ZNF716: variants seen among roughly 807,000 people sequenced by gnomAD.
The protein encoded by ZNF716 is zinc finger protein 716.
ZNF716 carries 9 observed loss-of-function variants against 13.4 expected under a neutral mutation model. The observed-to-expected ratio is 0.67, with a 90% CI of 0.41 to 1.18. The LOEUF (loss-of-function observed/expected upper bound fraction) is 1.18, where lower values mean the gene tolerates loss of function less well. Among genes scored for constraint, ZNF716 ranks in the 50% most tolerant of loss-of-function variants. ZNF716 has a pLI of 0.01. For synonymous variants in ZNF716, 186 were observed against 195.2 expected (o/e 0.95, Z 0.39); for missense variants, 581 against 576.6 (o/e 1.01, Z -0.08).
At chr7:57,460,207 C>T (rs782318127) in intron 1 of ZNF716, among the ~76,000 whole-genome samples, 1 of 151,740 alleles carries the variant, frequency 6.6e-6, no homozygotes, top group Non-Finnish European at 1.5e-5. Context: ...CCAGCCTGAC[C>T]AACATGGTGA....
At position 57,470,090 on chromosome 7, in the gene ZNF716, A is replaced by C; in HGVS notation, c.*141A>C. The C allele has an allele frequency of 1.2e-6, 1 of 805,298 alleles. No individual in the cohort carries two copies. 49.9% of individuals were successfully genotyped at this position (805,298 alleles called of 1,614,324 possible). A position where few individuals can be genotyped will look rare whatever the true frequency, so the allele number is the denominator to read the frequency against. On this transcript the variant is annotated 3_prime_UTR_variant, in exon 4 of 4. Coordinates refer to ENST00000420713, the MANE Select transcript of ZNF716 (RefSeq NM_001159279.1). The stretch of plus-strand genomic sequence containing the variant: ...TCCATAAGATAATTCATATTGGACA[A>C]AAGTCTTATAAATGTAAAAAAAAAA...
chr7:57,457,523 T>C (rs1480457391), intron 1 of ZNF716, among the ~76,000 whole-genome samples: 8 of 152,144 alleles, frequency 5.3e-5, no homozygotes, highest in Non-Finnish European at 1.0e-4. Flanking sequence ...TTTTGTATTT[T>C]TAATAGAGAC....
At position 57,470,346 on chromosome 7, in the gene ZNF716, T is replaced by A. The variant is rs1789907871; in HGVS notation, c.*397T>A. 1 of 163,162 alleles carries A rather than the reference T, an allele frequency of 6.1e-6. No homozygotes were observed. The highest frequency in any genetic ancestry group is 2.4e-5 in the African/African-American group (1 of 41,470). 10.1% of individuals were successfully genotyped at this position (163,162 alleles called of 1,614,324 possible). The stretch of plus-strand genomic sequence containing the variant: ...CACTGGCTGAGTTTTGTATTTTTAG[T>A]AGAGATGGGGTTTCACCATTTTGAC... On this transcript the variant is annotated 3_prime_UTR_variant, in exon 4 of 4. Transcript: ENST00000420713.
intron 3 of ZNF716, among the ~76,000 whole-genome samples, chr7:57,465,717 C>T (rs1789795618): frequency 6.6e-6 from 1 of 152,230 alleles, no homozygotes; most frequent in African/African-American, 2.4e-5. Context: ...AAGAATATTG[C>T]ATGTCCACAT....
Position 57,450,223 on chromosome 7 carries a change from T to C in ZNF716, c.-66T>C. On this transcript the variant is annotated 5_prime_UTR_variant, in exon 1 of 4. Coordinates refer to ENST00000420713, the MANE Select transcript of ZNF716 (RefSeq NM_001159279.1). ...GAGCTCCAGTCCTTCTCTTCACTGC[T>C]CTGCGTCCTCTGCTCCTGGAGGCCA... 1.2e-6 allele frequency: 2 copies of C among 1,609,978 alleles called. No homozygotes were observed. The highest frequency in any genetic ancestry group is 2.2e-5 in the South Asian group (2 of 90,804).
In ZNF716 at chr7:57,463,120, A is replaced by T. The variant is rs782142718; in HGVS notation, c.214A>T (p.Lys72Ter). ...CTTGATCACCTGTCTGGAGCAAAAT[A>T]AAGAGCCCCAGAATATAAAGAGAAA... ...PDLITCLEQN[K>*]EPQNIKRNEM... is the part of the protein sequence containing the mutation. Residue 72 changes from lysine to a stop codon, truncating the protein, a stop_gained, in exon 3 of 4, where the codon AAA (lysine) becomes TAA (stop). Transcript: ENST00000420713. LOFTEE classifies it low-confidence loss of function (END_TRUNC). 3 of 1,610,348 alleles carry T rather than the reference A, an allele frequency of 1.9e-6. No individual in the cohort carries two copies. In the East Asian group the frequency reaches 6.7e-5, roughly 36 times the overall value.
At chr7:57,460,991 C>A (rs1554322985) in intron 1 of ZNF716, among the ~76,000 whole-genome samples, 2 of 151,608 alleles carry the variant, frequency 1.3e-5, no homozygotes. Flanking sequence ...AAATTTAGGC[C>A]AGGTGCAGTG....
chr7:57,462,925 A>G (rs1554323390), intron 2 of ZNF716, 148 bp from the exon 3 acceptor site: 2 of 1,230,282 alleles, frequency 1.6e-6, no homozygotes, highest in East Asian at 2.6e-5. Flanking sequence ...AATTTAAAGT[A>G]TTTTCTAAAT....
At chr7:57,451,180 C>T (rs782025885) in intron 1 of ZNF716, among the ~76,000 whole-genome samples, 5 of 151,892 alleles carry the variant, frequency 3.3e-5, no homozygotes, top group Non-Finnish European at 5.9e-5. Flanking sequence ...CCACCACGCC[C>T]GGCTTTTGTT....
chr7:57,466,343 C>G (rs1416005797), intron 3 of ZNF716, among the ~76,000 whole-genome samples: 3 of 150,426 alleles, frequency 2.0e-5, no homozygotes, highest in African/African-American at 7.4e-5. Context: ...ATGGTTGTTC[C>G]CTCCAAATCT....
chr7:57,468,871 T>C lies in ZNF716; in HGVS notation c.410T>C (p.Val137Ala). The stretch of plus-strand genomic sequence containing the variant: ...TGTAAAAGTGTAGGTGAGTGTGAGG[T>C]GCACAAAGGAGGTTATAATTATGTT... ...KCCKSVGECE[V>A]HKGGYNYVNQ... is the part of the protein sequence containing the mutation. The change falls in exon 4 of 4, where the codon GTG becomes GCG. Residue 137 changes from valine (V) to alanine (A), a missense_variant. Val to Ala is a moderately conservative substitution (Grantham distance 64). Coordinates refer to ENST00000420713, the MANE Select transcript of ZNF716 (RefSeq NM_001159279.1). 1 of 1,613,514 alleles carries C rather than the reference T, an allele frequency of 6.2e-7. No individual in the cohort carries two copies. Among genetic ancestry groups the C allele is most frequent in the Non-Finnish European group, 8.5e-7 (1 of 1,179,758 alleles).
At chr7:57,466,466 G>A (rs1406111748) in intron 3 of ZNF716, among the ~76,000 whole-genome samples, 1 of 148,424 alleles carries the variant, frequency 6.7e-6, no homozygotes, top group Non-Finnish European at 1.5e-5. Context: ...TAATCATAGA[G>A]TTCTCACTCT....
At position 57,473,538 on chromosome 7, in the gene ZNF716, A is replaced by C. The variant is rs1175204028; in HGVS notation, c.*3589A>C. The C allele has an allele frequency of 3.3e-5, 5 of 152,020 alleles. No individual in the cohort carries two copies. Among genetic ancestry groups the C allele is most frequent in the Non-Finnish European group, 5.9e-5 (4 of 68,010 alleles). 9.4% of individuals were successfully genotyped at this position (152,020 alleles called of 1,614,324 possible). ...CCATCTCAAAAAAAAAAATAAATAA[A>C]TAAAAGATATACCTTAAGCATAAGA... On this transcript the variant is annotated 3_prime_UTR_variant, in exon 4 of 4. Coordinates refer to ENST00000420713, the MANE Select transcript of ZNF716 (RefSeq NM_001159279.1).
chr7:57,464,286 T>C (rs1789765531), intron 3 of ZNF716, among the ~76,000 whole-genome samples: 1 of 151,974 alleles, frequency 6.6e-6, no homozygotes, highest in African/African-American at 2.4e-5. Context: ...CATGTGCAGC[T>C]AATTTTGTAT....
intron 1 of ZNF716, among the ~76,000 whole-genome samples, chr7:57,452,430 T>A (rs1464316776): frequency 1.3e-5 from 2 of 150,922 alleles, no homozygotes; most frequent in African/African-American, 4.9e-5. Flanking sequence ...AGGTCAGGAG[T>A]TGGAAACCAA....
chr7:57,460,965 A>ATT (rs36078415), intron 1 of ZNF716, among the ~76,000 whole-genome samples: 52,239 of 150,934 alleles, frequency 0.35, 9,371 homozygotes, highest in Admixed American at 0.41. Flanking sequence ...CAGAAAACTG[A>ATT]TTTTTTTTTA....
rs2116431120 is a variant in ZNF716, at chr7:57,472,116, T to A, written c.*2167T>A. 6.6e-6 allele frequency: 1 copy of A among 152,296 alleles called. No homozygotes were observed. Among genetic ancestry groups the A allele is most frequent in the Non-Finnish European group, 1.5e-5 (1 of 68,030 alleles). 9.4% of individuals were successfully genotyped at this position (152,296 alleles called of 1,614,324 possible). On this transcript the variant is annotated 3_prime_UTR_variant, in exon 4 of 4. Transcript: ENST00000420713. The stretch of plus-strand genomic sequence containing the variant: ...CATTATTCATGAACTTTCCTATGGA[T>A]GAGTAAGGACATTAAGTTGTAAGAT...
chr7:57,462,575 T>C lies in ZNF716; in HGVS notation c.155T>C (p.Leu52Pro), dbSNP rs1789728175. 6.2e-7 allele frequency: 1 copy of C among 1,610,532 alleles called. No homozygotes were observed. Among genetic ancestry groups the C allele is most frequent in the Non-Finnish European group, 8.5e-7 (1 of 1,178,514 alleles). The change falls in exon 2 of 4, where the codon CTG becomes CCG. Residue 52 changes from leucine (L) to proline (P), a missense_variant. Coordinates refer to ENST00000420713, the MANE Select transcript of ZNF716 (RefSeq NM_001159279.1). ...GTGATGTTAGAGAACTACAGAAACC[T>C]GGTCTCCCTGGGTGAGGAAAACTTC... ...RDVMLENYRN[L>P]VSLGIAVSKP...
intron 1 of ZNF716, 92 bp from the exon 2 acceptor site, chr7:57,462,368 A>T (rs782742112): frequency 1.2e-5 from 17 of 1,408,378 alleles, no homozygotes; most frequent in Non-Finnish European, 1.5e-5. Context: ...CTTATTTAAC[A>T]TGAGTCAAAT....
Sources: gnomAD v4.1 joint callset for allele counts (sites outside exome capture counted in the v4.1 genomes callset) on GRCh38, gnomAD v4.1.1 for gene constraint, MANE v1.5 for transcripts, NCBI Gene and HGNC (gene_info 2026-07-23, HGNC 2026-07-21) for gene names.